USP31: variants seen among roughly 807,000 people sequenced by gnomAD.
The protein encoded by USP31 is ubiquitin specific peptidase 31.
USP31 carries 44 observed loss-of-function variants against 119.4 expected under a neutral mutation model. That is an observed-to-expected ratio of 0.37 (90% confidence interval 0.29 to 0.47). The LOEUF (loss-of-function observed/expected upper bound fraction) is 0.47. Ranked by LOEUF, USP31 falls within the 20% of genes least tolerant of loss-of-function variation. The probability of loss-of-function intolerance (pLI) is 0.99; values close to 1 mark genes in which losing one functional copy is unlikely to be tolerated. For synonymous variants in USP31, 749 were observed against 705.6 expected, an observed-to-expected ratio of 1.06 and a Z score of -0.97; for missense variants, 1,643 against 1,730.2, an observed-to-expected ratio of 0.95 and a Z score of 0.89.
chr16:23,105,393 G>A, intron 5 of USP31, 48 bp downstream of exon 5: 1 of 1,499,096 alleles, frequency 6.7e-7, no homozygotes, highest in Non-Finnish European at 9.0e-7. Flanking sequence ...AGAACAGAAA[G>A]CAATACTTTT....
In USP31 at chr16:23,149,238, CG is replaced by C. The variant is rs1903645108; in HGVS notation, c.32del (p.Pro11ArgfsTer55). On this transcript the variant is annotated frameshift_variant, in exon 1 of 16. Coordinates refer to ENST00000219689, the MANE Select transcript of USP31 (RefSeq NM_020718.4). LOFTEE classifies it high-confidence loss of function. The part of the protein sequence containing the change: MSKVTAPGSG[P>X]PAAASGKEKR... ...TCTCCTTCCCGCTCGCCGCCGCCGG[CG>C]GCCCGGACCCAGGCGCCGTTACCTT... The C allele has an allele frequency of 8.9e-7, 1 of 1,121,032 alleles. No homozygotes were observed. Among genetic ancestry groups the C allele is most frequent in the African/African-American group, 1.7e-5 (1 of 59,704 alleles). The allele number at this position is 1,121,032 out of a possible 1,614,324, so 69.4% of individuals were successfully genotyped here.
At position 23,115,675 on chromosome 16, in the gene USP31, C is replaced by T. The variant is rs577870486; in HGVS notation, c.634-7492G>A. On this transcript the variant is annotated intron_variant, in intron 1 of 15. Coordinates refer to ENST00000219689, the MANE Select transcript of USP31 (RefSeq NM_020718.4). Reference sequence around the variant, plus strand: ...AATCCTATACATCCTACTATAAACACATTTGACCCCTGCTCCTATTATCCC... The same window carrying T: ...AATCCTATACATCCTACTATAAACATATTTGACCCCTGCTCCTATTATCCC... The T allele has an allele frequency of 1.4e-4, 89 of 626,018 alleles. No homozygotes were observed. The South Asian group carries it at 3.3e-3, about 23-fold the overall frequency. The allele number at this position is 626,018 out of a possible 1,614,324, so 38.8% of individuals were successfully genotyped here.
intron 1 of USP31, among the ~76,000 whole-genome samples, chr16:23,143,402 A>G (rs1248457757): frequency 1.3e-5 from 2 of 152,218 alleles, no homozygotes; most frequent in Admixed American, 6.5e-5. Context: ...CTCCTATGAA[A>G]GCAATAAGCT....
rs1489684294 is a variant in USP31, at chr16:23,068,599, C to T, written c.3506G>A (p.Ser1169Asn). 3.1e-6 allele frequency: 5 copies of T among 1,614,060 alleles called. No individual in the cohort carries two copies. The highest frequency in any genetic ancestry group is 4.2e-6 in the Non-Finnish European group (5 of 1,180,050). ...SRQSLGSDRA[S>N]ATSTSKPNSP... is the part of the protein sequence containing the mutation. ...ATTGGGTTTGGAGGTGGAGGTGGCG[C>T]TGGCTCTGTCAGAACCCAAGCTTTG... The change falls in exon 16 of 16, where the codon AGC (serine) becomes AAC (asparagine). Residue 1169 changes from serine (S) to asparagine (N), a missense_variant. Physicochemically the swap from Ser to Asn is conservative, Grantham distance 46. Transcript: ENST00000219689.
At position 23,148,963 on chromosome 16, in the gene USP31, G is replaced by T. The variant is rs944049638; in HGVS notation, c.308C>A (p.Thr103Lys). 5 of 1,018,292 alleles carry T rather than the reference G, an allele frequency of 4.9e-6. No homozygotes were observed. In the African/African-American group the frequency reaches 8.7e-5, roughly 18 times the overall value. The allele number at this position is 1,018,292 out of a possible 1,614,324, so 63.1% of individuals were successfully genotyped here. ...GGGCGGCGGCGGGCACGGCGGCGGC[G>T]TGGGCGCGGCGGCCGGCCCGGGCGG... ...CFPPGPAAAP[T>K]PPPCPPPPAS... is the part of the protein sequence containing the mutation. The change falls in exon 1 of 16, where the codon ACG becomes AAG. Residue 103 changes from threonine to lysine, a missense_variant. By Grantham distance (78) the Thr-to-Lys change is moderately conservative. Around this residue, in one of 5 missense-constraint regions of USP31, gnomAD observed 302 missense variants for 262.6 expected, o/e 1.15. Coordinates refer to ENST00000219689, the MANE Select transcript of USP31 (RefSeq NM_020718.4).
chr16:23,117,439 A>G (rs4967947), intron 1 of USP31, among the ~76,000 whole-genome samples: 42,771 of 152,206 alleles, frequency 0.28, 6,356 homozygotes, highest in Admixed American at 0.35. Flanking sequence ...AAGGGGTTGA[A>G]TAATGGTTAC....
intron 5 of USP31, among the ~76,000 whole-genome samples, chr16:23,104,652 G>C (rs1902017965): frequency 6.6e-6 from 1 of 152,188 alleles, no homozygotes; most frequent in African/African-American, 2.4e-5. Context: ...GGCCACATGA[G>C]GCCAAAGTAC....
rs1211513078 is a variant in USP31 at position 23,087,731 on chromosome 16, C to A, written c.1520G>T (p.Cys507Phe). The A allele has an allele frequency of 6.2e-7, 1 of 1,614,012 alleles. No individual in the cohort carries two copies. The highest frequency in any genetic ancestry group is 1.1e-5 in the South Asian group (1 of 91,068). Residue 507 changes from cysteine to phenylalanine, a missense_variant, in exon 8 of 16, where the codon TGC becomes TTC. By Grantham distance (205) the Cys-to-Phe change is radical. Coordinates refer to ENST00000219689, the MANE Select transcript of USP31 (RefSeq NM_020718.4). ...ATCAAAATGCTTACAAACCTGAATG[C>A]AAACCGTGGGCCTCAAGAAATACTT... is the stretch of plus-strand genomic sequence containing the variant. ...KMKYFLRPTV[C>F]IQVCPFSLRV...
At chr16:23,090,908 AT>A in intron 6 of USP31, 104 bp from the exon 7 acceptor site, 2 of 1,068,042 alleles carry the variant, frequency 1.9e-6, no homozygotes, top group Non-Finnish European at 2.5e-6. Flanking sequence ...TAAAAATGTC[AT>A]TATGTAAATT....
rs142970121 is a variant in USP31 at position 23,090,778 on chromosome 16, G to A, written c.1261C>T (p.His421Tyr). 17 of 1,597,120 alleles carry A rather than the reference G, an allele frequency of 1.1e-5. No individual in the cohort carries two copies. Among genetic ancestry groups the A allele is most frequent in the Non-Finnish European group, 1.4e-5 (16 of 1,167,276 alleles). The change falls in exon 7 of 16, where the codon CAC becomes TAC. Residue 421 changes from histidine (H) to tyrosine (Y), a missense_variant. Physicochemically the swap from His to Tyr is moderately conservative, Grantham distance 83. Coordinates refer to ENST00000219689, the MANE Select transcript of USP31 (RefSeq NM_020718.4). ...TGATAATCCAAGCCAAATTTCAAGT[G>A]GTTTAGGTTGTTGTTTAAATGAATT... ...RGIHLNNNLNHLKFGLDYHRL... is the reference protein window; with the variant it reads ...RGIHLNNNLNYLKFGLDYHRL...
chr16:23,070,044 A>G (rs62030990), intron 15 of USP31, among the ~76,000 whole-genome samples: 2 of 152,234 alleles, frequency 1.3e-5, no homozygotes, highest in Non-Finnish European at 2.9e-5. Flanking sequence ...AGTGGGCTGT[A>G]TTTGGCCTAT....
intron 14 of USP31, among the ~76,000 whole-genome samples, chr16:23,073,086 GTTTGGATT>G (rs1474000792): frequency 6.6e-6 from 1 of 152,038 alleles, no homozygotes; most frequent in Non-Finnish European, 1.5e-5. Flanking sequence ...GTGTCCACTT[GTTTGGATT>G]ATGTGTGGCT....
intron 1 of USP31, among the ~76,000 whole-genome samples, chr16:23,122,886 C>T (rs1902720985): frequency 6.6e-6 from 1 of 152,160 alleles, no homozygotes; most frequent in Non-Finnish European, 1.5e-5. Flanking sequence ...GTTTGCACAA[C>T]TCCAAGAATA....
At chr16:23,122,124 C>T (rs2141888520) in intron 1 of USP31, among the ~76,000 whole-genome samples, 1 of 152,312 alleles carries the variant, frequency 6.6e-6, no homozygotes, top group Admixed American at 6.5e-5. Flanking sequence ...ATTATTTCAA[C>T]TTGCATATAT....
intron 1 of USP31, among the ~76,000 whole-genome samples, chr16:23,143,583 G>GC: frequency 7.4e-6 from 1 of 135,146 alleles, no homozygotes; most frequent in South Asian, 2.5e-4. Flanking sequence ...AGAGGGAGAG[G>GC]TTGGGGGGGG....
intron 1 of USP31, among the ~76,000 whole-genome samples, chr16:23,132,718 T>A (rs1405707714): frequency 4.6e-5 from 7 of 152,216 alleles, no homozygotes; most frequent in Admixed American, 1.3e-4. Context: ...ATTCAATAAA[T>A]ATAGCTTTTA....
chr16:23,126,310 C>G (rs1053822763), intron 1 of USP31, among the ~76,000 whole-genome samples: 3 of 146,206 alleles, frequency 2.1e-5, no homozygotes, highest in Non-Finnish European at 4.5e-5. Flanking sequence ...ACAGAGCGAC[C>G]CTGTCTCTTT....
chr16:23,129,191 C>T (rs572441114), intron 1 of USP31, among the ~76,000 whole-genome samples: 27 of 152,172 alleles, frequency 1.8e-4, no homozygotes, highest in Admixed American at 7.9e-4. Context: ...TAGACAAACA[C>T]GCATTCAACA....
chr16:23,110,541 A>C (rs1459305297), intron 1 of USP31, among the ~76,000 whole-genome samples: 1 of 152,206 alleles, frequency 6.6e-6, no homozygotes, highest in Non-Finnish European at 1.5e-5. Flanking sequence ...GAGATGAAAC[A>C]GTAAAGTCAG....
Sources: allele counts gnomAD v4.1 joint callset (sites outside exome capture counted in the v4.1 genomes callset), GRCh38; gene constraint gnomAD v4.1.1; regional missense constraint gnomAD v4.1.1; transcripts MANE v1.5; gene names NCBI Gene and HGNC (gene_info 2026-07-23, HGNC 2026-07-21).